The following NOTCH3 variants were observed in gnomAD, a reference collection of about 807,000 sequenced individuals.
NOTCH3 encodes the protein neurogenic locus notch homolog protein 3.
In NOTCH3, 86 loss-of-function variants were observed where a neutral mutation model predicts 213.3. The observed-to-expected ratio is 0.40, with a 90% CI of 0.34 to 0.48. NOTCH3 has a LOEUF of 0.48. NOTCH3 is among the 20% of genes least tolerant of loss of function. The pLI, the probability that NOTCH3 is intolerant of heterozygous loss-of-function variation, is 0.57. For synonymous variants in NOTCH3, 1,354 were observed against 1,355.9 expected (o/e 1.00, Z 0.03); for missense variants, 2,783 against 3,272.6 (o/e 0.85, Z 3.65).
intron 23 of NOTCH3, 190 bp from the exon 24 acceptor site, chr19:15,178,280 C>A (rs867769765): frequency 1.8e-6 from 1 of 543,224 alleles, no homozygotes; most frequent in Middle Eastern, 4.8e-4. Flanking sequence ...CCTTTCCACA[C>A]TGGAGACCCC....
Position 15,197,553 on chromosome 19 carries a change from C to G in NOTCH3, c.144G>C (p.Pro48=), listed in dbSNP as rs569710153. Residue 48 remains proline, a synonymous_variant, in exon 2 of 33, where the codon CCG becomes CCC. Coordinates refer to ENST00000263388, the MANE Select transcript of NOTCH3 (RefSeq NM_000435.3). ...AAAPPCLDGS[P]CANGGRCTQL... is the part of the protein sequence containing the mutation. ...GGGTGCAACGACCTCCATTTGCACA[C>G]GGGCTTCCGTCCAGGCAAGGGGGGG... 1.2e-6 allele frequency: 2 copies of G among 1,611,342 alleles called. No individual in the cohort carries two copies. The highest frequency in any genetic ancestry group is 2.2e-5 in the South Asian group (2 of 90,924).
At chr19:15,173,549 C>T (rs1262548590) in intron 25 of NOTCH3, among the ~76,000 whole-genome samples, 2 of 151,538 alleles carry the variant, frequency 1.3e-5, no homozygotes, top group Non-Finnish European at 2.9e-5. Context: ...TTGTGCCCGG[C>T]TTTATCTTCT....
In NOTCH3 at chr19:15,170,468, G is replaced by T. The variant is rs770385736; in HGVS notation, c.4977C>A (p.Val1659=). 6.2e-7 allele frequency: 1 copy of T among 1,608,056 alleles called. No individual in the cohort carries two copies. Among genetic ancestry groups the T allele is most frequent in the South Asian group, 1.1e-5 (1 of 91,082 alleles). ...TGCGCCGGGCCACCATGACACCCAG[G>T]ACGAGAATGACCAGCAGCAAGACAG... ...AGAVLLLVIL[V]LGVMVARRKR... The change falls in exon 27 of 33, where the codon GTC becomes GTA. Residue 1659 remains valine, a synonymous_variant. Transcript: ENST00000263388.
intron 25 of NOTCH3, among the ~76,000 whole-genome samples, chr19:15,173,748 A>AAGAAGAAGAAGGAGAAGG (rs1568351752): frequency 1.8e-4 from 1 of 5,516 alleles, no homozygotes; most frequent in African/African-American, 3.0e-3. Flanking sequence ...AAAAGAAAAG[A>AAGAAGAAGAAGGAGAAGG]AGAAGGAGAA....
At chr19:15,184,481 G>A (rs774504068) in intron 15 of NOTCH3, 31 bp from the exon 16 acceptor site, 2 of 1,611,956 alleles carry the variant, frequency 1.2e-6, no homozygotes, top group East Asian at 2.2e-5. Flanking sequence ...TACACCTAGG[G>A]TTACAGGGTA....
rs751318348 is a variant in NOTCH3, at chr19:15,165,814, G to A, written c.5640C>T (p.Val1880=). ...GGAAGACACCCTGGGCATCGGCTGT[G>A]ACAGCTGTGTGCAGGGGAGTGCGGC... ...HSGRTPLHTA[V]TADAQGVFQI... is the part of the protein sequence containing the mutation. Residue 1880 remains valine (V), a synonymous_variant, in exon 30 of 33, where the codon GTC becomes GTT. Transcript: ENST00000263388. The surrounding 1 kb of genome is among the most constrained non-coding windows in gnomAD (Gnocchi z 4.7). 2.7e-5 allele frequency: 44 copies of A among 1,613,482 alleles called. No individual in the cohort carries two copies. Among genetic ancestry groups the A allele is most frequent in the Non-Finnish European group, 3.6e-5 (42 of 1,180,034 alleles).
intron 12 of NOTCH3, among the ~76,000 whole-genome samples, chr19:15,186,191 T>G (rs2046879892): frequency 6.6e-6 from 1 of 152,158 alleles, no homozygotes; most frequent in Non-Finnish European, 1.5e-5. Context: ...CTCGAACTCC[T>G]GGGCTCAAGT....
rs772200374 is a variant in NOTCH3 at position 15,165,104 on chromosome 19, C to T, written c.5815+264G>A. On this transcript the variant is annotated intron_variant, in intron 31 of 32. Coordinates refer to ENST00000263388, the MANE Select transcript of NOTCH3 (RefSeq NM_000435.3). The surrounding 1 kb of genome is among the most constrained non-coding windows in gnomAD (Gnocchi z 4.7). The stretch of plus-strand genomic sequence containing the variant: ...ATGTGTACGTTTATTATAATAACTT[C>T]CAGCAGGTGGAAGTACAGTGTGTCC... 9.9e-5 allele frequency among the ~76,000 whole-genome samples: 15 copies of T among 152,116 alleles called. No homozygotes were observed. Among genetic ancestry groups the T allele is most frequent in the Non-Finnish European group, 2.1e-4 (14 of 68,024 alleles).
chr19:15,178,411 C>T (rs1011134229), intron 23 of NOTCH3: 2 of 423,978 alleles, frequency 4.7e-6, no homozygotes, highest in African/African-American at 2.0e-5. Context: ...TTTTTTGAGA[C>T]GGAGTGTCAC....
At position 15,191,576 on chromosome 19, in the gene NOTCH3, A is replaced by C. The variant is rs143117018; in HGVS notation, c.884T>G (p.Leu295Arg). 619 of 1,613,656 alleles carry C rather than the reference A, an allele frequency of 3.8e-4. No homozygotes were observed. The highest frequency in any genetic ancestry group is 4.8e-4 in the Non-Finnish European group (568 of 1,180,026). Residue 295 changes from leucine to arginine, a missense_variant, in exon 6 of 33, where the codon CTG becomes CGG. By Grantham distance (102) the Leu-to-Arg change is moderately radical. Around this residue, in one of 6 missense-constraint regions of NOTCH3, gnomAD observed 708 missense variants for 906.6 expected, o/e 0.78. Transcript: ENST00000263388. ...CHNGGTCFNT[L>R]GGHSCVCVNG... is the part of the protein sequence containing the mutation. The stretch of plus-strand genomic sequence containing the variant: ...GACACACACGCAGCTGTGGCCACCC[A>C]GCGTGTTGAAGCAGGTACCCCCATT...
rs142443568 is a variant in NOTCH3, at chr19:15,176,008, G to A, written c.4403+1517C>T. Among the ~76,000 whole-genome samples, 15 of 151,908 alleles carry A rather than the reference G, an allele frequency of 9.9e-5. No homozygotes were observed. In the East Asian group the frequency reaches 2.9e-3, roughly 29 times the overall value. On this transcript the variant is annotated intron_variant, in intron 24 of 32. Transcript: ENST00000263388. Reference sequence around the variant, plus strand: ...AGATGGACTGCCTAGGACAGACAGAGAGAGGGGCAGAAGAGGGGCAGAGAT... The same window carrying A: ...AGATGGACTGCCTAGGACAGACAGAAAGAGGGGCAGAAGAGGGGCAGAGAT...
chr19:15,174,331 C>G lies in NOTCH3; in HGVS notation c.4473G>C (p.Glu1491Asp). The change falls in exon 25 of 33, where the codon GAG becomes GAC. Residue 1491 changes from glutamate (E) to aspartate (D), a missense_variant. Around this residue, in one of 6 missense-constraint regions of NOTCH3, gnomAD observed 636 missense variants for 801.8 expected, o/e 0.79. Transcript: ENST00000263388. Reference protein sequence around the residue: ...DGRCDQGCNTEECGWDGLDCA... With the variant: ...DGRCDQGCNTDECGWDGLDCA... ...AATCCAGCCCATCCCAGCCGCACTCCTCCGTGTTGCAGCCCTGGTCGCAGC... is the reference window on the plus strand; with the variant it reads ...AATCCAGCCCATCCCAGCCGCACTCGTCCGTGTTGCAGCCCTGGTCGCAGC... The G allele has an allele frequency of 6.4e-7, 1 of 1,552,872 alleles. No individual in the cohort carries two copies. The highest frequency in any genetic ancestry group is 8.7e-7 in the Non-Finnish European group (1 of 1,148,430).
intron 2 of NOTCH3, 59 bp downstream of exon 2, chr19:15,197,441 G>GGGGGGGGCCCCCCCCCCC: frequency 1.3e-6 from 1 of 768,364 alleles, no homozygotes; most frequent in Non-Finnish European, 2.3e-6. Flanking sequence ...AAGACAAATC[G>GGGGGGGGCCCCCCCCCCC]CCCCTCCCCC....
Position 15,177,667 on chromosome 19 carries a change from C to T in NOTCH3, c.4261G>A (p.Val1421Met), listed in dbSNP as rs2046803074. 6.4e-7 allele frequency: 1 copy of T among 1,551,414 alleles called. No homozygotes were observed. The highest frequency in any genetic ancestry group is 1.2e-5 in the South Asian group (1 of 85,324). ...GWDGGDCSLS[V>M]GDPWRQCEAL... Reference sequence around the variant, plus strand: ...TCGCATTGCCGCCAGGGGTCGCCCACGCTCAGCGAGCAGTCGCCGCCGTCC... The same window carrying T: ...TCGCATTGCCGCCAGGGGTCGCCCATGCTCAGCGAGCAGTCGCCGCCGTCC... The change falls in exon 24 of 33, where the codon GTG becomes ATG. Residue 1421 changes from valine (V) to methionine (M), a missense_variant. Physicochemically the swap from Val to Met is conservative, Grantham distance 21 (BLOSUM62 1). Around this residue, in one of 6 missense-constraint regions of NOTCH3, gnomAD observed 133 missense variants for 201.9 expected, o/e 0.66. Transcript: ENST00000263388.
At chr19:15,194,678 A>G (rs115502956) in intron 2 of NOTCH3, among the ~76,000 whole-genome samples, 2,167 of 152,072 alleles carry the variant, frequency 0.014, 56 homozygotes, top group African/African-American at 0.051. Context: ...ACCCATGTCC[A>G]AGCGCGGTGG....
In NOTCH3 at chr19:15,192,117, G is replaced by A; in HGVS notation, c.522C>T (p.Cys174=). Residue 174 remains cysteine, a synonymous_variant, in exon 4 of 33, where the codon TGC becomes TGT. Coordinates refer to ENST00000263388, the MANE Select transcript of NOTCH3 (RefSeq NM_000435.3). ...AGCGGAAGGAGCCAGGTGTGTTGAG[G>A]CAGGTGCCACCATGGCGGCAGGGCT... ...VGEPCRHGGT[C]LNTPGSFRCQ... The A allele has an allele frequency of 6.2e-7, 1 of 1,613,128 alleles. No homozygotes were observed. Among genetic ancestry groups the A allele is most frequent in the South Asian group, 1.1e-5 (1 of 91,088 alleles).
chr19:15,196,102 G>A (rs1599399101), intron 2 of NOTCH3, among the ~76,000 whole-genome samples: 1 of 151,824 alleles, frequency 6.6e-6, no homozygotes. Flanking sequence ...CTCGTGGGGG[G>A]TGGAGGGCGT....
chr19:15,193,712 A>G (rs1459023650), intron 2 of NOTCH3, among the ~76,000 whole-genome samples: 1 of 145,400 alleles, frequency 6.9e-6, no homozygotes, highest in East Asian at 2.1e-4. Flanking sequence ...CGGAGGTTGC[A>G]GTGAGCCGAA....
In NOTCH3 at chr19:15,160,798, G is replaced by A. The variant is rs775596021; in HGVS notation, c.6830C>T (p.Thr2277Ile). The change falls in exon 33 of 33, where the codon ACT becomes ATT. Residue 2277 changes from threonine to isoleucine, a missense_variant. Transcript: ENST00000263388. ...CCCAGTGGTGGTGGCCATGGCCCCA[G>A]TGGCAGTGGCTGGGCTAGGCGTGGA... is the stretch of plus-strand genomic sequence containing the variant. ...SESTPSPATATGAMATTTGAL... is the reference protein window; with the variant it reads ...SESTPSPATAIGAMATTTGAL... 1.2e-6 allele frequency: 2 copies of A among 1,614,004 alleles called. No individual in the cohort carries two copies. Among genetic ancestry groups the A allele is most frequent in the South Asian group, 1.1e-5 (1 of 91,074 alleles).
Sources: gnomAD v4.1 joint callset for allele counts (sites outside exome capture counted in the v4.1 genomes callset) on GRCh38, gnomAD v4.1.1 for gene constraint, gnomAD v4.1.1 regional missense constraint, Gnocchi (gnomAD v3.1) non-coding constraint, MANE v1.5 for transcripts, NCBI Gene and HGNC (gene_info 2026-07-23, HGNC 2026-07-21) for gene names.